The following NEGR1 variants were observed in gnomAD, a reference collection of about 807,000 sequenced individuals.
NEGR1 encodes neuronal growth regulator 1, also known as IgLON family member 4.
A neutral mutation model predicts 40.9 loss-of-function variants in NEGR1; 10 were observed. That is an observed-to-expected ratio of 0.24 (90% confidence interval 0.15 to 0.42). NEGR1 has a LOEUF of 0.42. NEGR1 is among the 10% of genes least tolerant of loss of function. NEGR1 has a pLI of 1.00. For synonymous variants in NEGR1, 185 were observed against 166.8 expected, an observed-to-expected ratio of 1.11 and a Z score of -0.84; for missense variants, 352 against 438.9, an observed-to-expected ratio of 0.80 and a Z score of 1.77.
intron 2 of NEGR1, among the ~76,000 whole-genome samples, chr1:71,865,662 G>A (rs142036183): frequency 2.1e-3 from 321 of 152,198 alleles, no homozygotes; most frequent in African/African-American, 7.3e-3. Context: ...ATGAAGGGTT[G>A]ATGGGTACAG....
At chr1:72,155,900 G>A (rs1387679620) in intron 1 of NEGR1, among the ~76,000 whole-genome samples, 1 of 152,084 alleles carries the variant, frequency 6.6e-6, no homozygotes, top group Non-Finnish European at 1.5e-5. Context: ...AAATTGACAG[G>A]AAATATGGAG....
intron 6 of NEGR1, among the ~76,000 whole-genome samples, chr1:71,419,790 T>C (rs145901344): frequency 6.6e-6 from 1 of 152,072 alleles, no homozygotes; most frequent in African/African-American, 2.4e-5. Context: ...TGCCTAAGAT[T>C]ATCCAACTTG....
At chr1:71,527,926 T>C (rs1303046070) in intron 6 of NEGR1, among the ~76,000 whole-genome samples, 1 of 151,354 alleles carries the variant, frequency 6.6e-6, no homozygotes, top group East Asian at 1.9e-4. Flanking sequence ...TATTGTATTG[T>C]CTTCTCTTAC....
intron 6 of NEGR1, among the ~76,000 whole-genome samples, chr1:71,555,133 T>C (rs1648214780): frequency 6.6e-6 from 1 of 151,604 alleles, no homozygotes; most frequent in African/African-American, 2.4e-5. Context: ...GAAGCCCTAG[T>C]TGGCCATTGC....
chr1:71,855,087 C>T (rs1300834818), intron 2 of NEGR1, among the ~76,000 whole-genome samples: 2 of 152,084 alleles, frequency 1.3e-5, no homozygotes, highest in Non-Finnish European at 2.9e-5. Context: ...CACTTCTTAT[C>T]CTTAAATACT....
intron 2 of NEGR1, among the ~76,000 whole-genome samples, chr1:71,833,760 T>A (rs936941695): frequency 5.9e-5 from 9 of 152,198 alleles, no homozygotes; most frequent in Admixed American, 5.9e-4. Flanking sequence ...TGGTTCCAAG[T>A]GCCATTCTTC....
chr1:71,955,282 A>C (rs1172799606), intron 1 of NEGR1, among the ~76,000 whole-genome samples: 1 of 152,200 alleles, frequency 6.6e-6, no homozygotes, highest in Non-Finnish European at 1.5e-5. Context: ...CTACCAAAAA[A>C]TATTAATGGC....
At position 72,148,217 on chromosome 1, in the gene NEGR1, C is replaced by T. The variant is rs546131744; in HGVS notation, c.176+134102G>A. 3.9e-5 allele frequency among the ~76,000 whole-genome samples: 6 copies of T among 152,270 alleles called. No homozygotes were observed. In the East Asian group the frequency reaches 9.7e-4, roughly 25 times the overall value. ...TTTTGCCTGGGCATCCAGGCATTTC[C>T]ATACATCCTTTGAAATCTAGACGGA... On this transcript the variant is annotated intron_variant, in intron 1 of 6. Transcript: ENST00000357731.
rs1299054370 is a variant in NEGR1 at position 71,698,048 on chromosome 1, C to G, written c.627G>C (p.Val209=). The change falls in exon 4 of 7, where the codon GTG becomes GTC. Residue 209 remains valine (V), a synonymous_variant. Transcript: ENST00000357731. ...TTACTTTCCTCACATCTGGGAATGA[C>G]ACATCATTTTCCGCACTGCATTCAT... ...GEYECSAEND[V]SFPDVRKVKV... is the part of the protein sequence containing the mutation. The G allele has an allele frequency of 1.2e-6, 2 of 1,611,490 alleles. No individual in the cohort carries two copies. Among genetic ancestry groups the G allele is most frequent in the Non-Finnish European group, 1.7e-6 (2 of 1,178,166 alleles).
At chr1:71,962,700 G>A (rs1393127723) in intron 1 of NEGR1, among the ~76,000 whole-genome samples, 3 of 151,134 alleles carry the variant, frequency 2.0e-5, no homozygotes, top group Non-Finnish European at 2.9e-5. Flanking sequence ...AATGTCTCAC[G>A]TTAACTTCTC....
chr1:71,756,641 TGTA>T (rs1440009001), intron 3 of NEGR1, among the ~76,000 whole-genome samples: 1 of 152,122 alleles, frequency 6.6e-6, no homozygotes, highest in Non-Finnish European at 1.5e-5. Flanking sequence ...TCTTTTGTAC[TGTA>T]ATTGAATTGA....
At chr1:71,604,979 A>G (rs1243052145) in intron 5 of NEGR1, among the ~76,000 whole-genome samples, 1 of 152,156 alleles carries the variant, frequency 6.6e-6, no homozygotes, top group Non-Finnish European at 1.5e-5. Flanking sequence ...TAGTATATCG[A>G]TAATTTTAAT....
intron 1 of NEGR1, among the ~76,000 whole-genome samples, chr1:72,063,988 A>C (rs1301558107): frequency 6.6e-6 from 1 of 151,986 alleles, no homozygotes; most frequent in Non-Finnish European, 1.5e-5. Flanking sequence ...TTTCAATTTC[A>C]GTTTAAGAAA....
chr1:71,437,597 C>A (rs920215819), intron 6 of NEGR1, among the ~76,000 whole-genome samples: 1 of 152,160 alleles, frequency 6.6e-6, no homozygotes, highest in East Asian at 1.9e-4. Flanking sequence ...AAAATATTTA[C>A]AAACATTCTA....
At chr1:71,967,136 A>G (rs1345566054) in intron 1 of NEGR1, among the ~76,000 whole-genome samples, 1 of 152,162 alleles carries the variant, frequency 6.6e-6, no homozygotes, top group Non-Finnish European at 1.5e-5. Context: ...GATGTAATAG[A>G]TTCTGACAAA....
chr1:71,942,816 T>C (rs1645979076), intron 1 of NEGR1, among the ~76,000 whole-genome samples: 1 of 150,142 alleles, frequency 6.7e-6, no homozygotes, highest in Non-Finnish European at 1.5e-5. Flanking sequence ...TCTATATTTT[T>C]TAAGAGACAA....
chr1:72,038,316 T>C (rs909286703), intron 1 of NEGR1, among the ~76,000 whole-genome samples: 4 of 152,030 alleles, frequency 2.6e-5, no homozygotes, highest in Non-Finnish European at 5.9e-5. Flanking sequence ...AATATGATTA[T>C]ATTTGTTAAA....
chr1:71,461,500 G>A (rs1284991129), intron 6 of NEGR1: 1 of 152,110 alleles, frequency 6.6e-6, no homozygotes, highest in African/African-American at 2.4e-5. Context: ...ATTTGAATAA[G>A]CAAACTGGCC....
At chr1:71,730,778 C>T (rs949732383) in intron 3 of NEGR1, among the ~76,000 whole-genome samples, 1 of 151,376 alleles carries the variant, frequency 6.6e-6, no homozygotes, top group African/African-American at 2.4e-5. Context: ...TTTTAACTAG[C>T]TTTAGTATCA....
Sources: gnomAD v4.1 joint callset for allele counts (sites outside exome capture counted in the v4.1 genomes callset) on GRCh38, gnomAD v4.1.1 for gene constraint, MANE v1.5 for transcripts, NCBI Gene and HGNC (gene_info 2026-07-23, HGNC 2026-07-21) for gene names.